FCHSD2: variants seen among roughly 807,000 people sequenced by gnomAD.
FCHSD2 encodes the protein F-BAR and double SH3 domains protein 2.
Under a neutral mutation model 108.1 loss-of-function variants are expected in FCHSD2, and 38 were observed. The ratio of observed to expected loss-of-function variants is 0.35; its 90% CI spans 0.27 to 0.46. FCHSD2 has a LOEUF of 0.46. Ranked by LOEUF, FCHSD2 falls within the 20% of genes least tolerant of loss-of-function variation. The pLI is 1.00. For synonymous variants in FCHSD2, 279 were observed against 314.7 expected (o/e 0.89, Z 1.20); for missense variants, 751 against 897.8 (o/e 0.84, Z 2.09).
In FCHSD2 at chr11:72,855,415, G is replaced by A. The variant is rs544968267; in HGVS notation, c.1309-5526C>T. On this transcript the variant is annotated intron_variant, in intron 13 of 19. Transcript: ENST00000409418. ...CACTTGAACCCGGGAGGCGGAGGTTGCAGTGAGCCAAGATCATGCCACTGT... is the reference window on the plus strand; with the variant it reads ...CACTTGAACCCGGGAGGCGGAGGTTACAGTGAGCCAAGATCATGCCACTGT... Among the ~76,000 whole-genome samples, 193 of 152,300 alleles carry A rather than the reference G, an allele frequency of 1.3e-3. 2 individuals are homozygous for A. The highest frequency in any genetic ancestry group is 1.6e-3 in the Non-Finnish European group (109 of 68,014).
At chr11:73,130,859 G>A (rs890149192) in intron 2 of FCHSD2, among the ~76,000 whole-genome samples, 3 of 151,910 alleles carry the variant, frequency 2.0e-5, no homozygotes, top group African/African-American at 7.3e-5. Flanking sequence ...ATAAAATCAG[G>A]TAATCTTTTT....
chr11:72,970,578 T>C (rs955290496), intron 8 of FCHSD2, among the ~76,000 whole-genome samples: 8 of 152,138 alleles, frequency 5.3e-5, no homozygotes, highest in African/African-American at 1.9e-4. Context: ...CTCTCATGGC[T>C]CTCTCCAAGA....
chr11:73,002,766 G>A (rs1857652385), intron 4 of FCHSD2, among the ~76,000 whole-genome samples: 1 of 151,844 alleles, frequency 6.6e-6, no homozygotes, highest in Admixed American at 6.6e-5. Flanking sequence ...ACTTCCTTTG[G>A]GAAGTCTTTC....
intron 8 of FCHSD2, among the ~76,000 whole-genome samples, chr11:72,966,130 G>A (rs1446578915): frequency 2.0e-5 from 3 of 151,480 alleles, no homozygotes; most frequent in Non-Finnish European, 2.9e-5. Context: ...GGGCAAGAAG[G>A]AAGATGTTCA....
chr11:72,928,248 A>G (rs1374775305), intron 8 of FCHSD2, among the ~76,000 whole-genome samples: 1 of 152,138 alleles, frequency 6.6e-6, no homozygotes, highest in African/African-American at 2.4e-5. Context: ...GGGAAAAAAA[A>G]TTCCACAAAA....
intron 3 of FCHSD2, among the ~76,000 whole-genome samples, chr11:73,053,986 C>T (rs774608466): frequency 6.6e-6 from 1 of 152,128 alleles, no homozygotes; most frequent in Non-Finnish European, 1.5e-5. Flanking sequence ...TGTCCATCTA[C>T]AAATTTTAAG....
At chr11:72,969,970 C>G (rs1408365419) in intron 8 of FCHSD2, among the ~76,000 whole-genome samples, 4 of 152,184 alleles carry the variant, frequency 2.6e-5, no homozygotes, top group African/African-American at 9.7e-5. Context: ...TAATCTGTGA[C>G]TAAGCACCTC....
At chr11:73,139,807 CTTG>C (rs1032366979) in intron 2 of FCHSD2, among the ~76,000 whole-genome samples, 3 of 152,092 alleles carry the variant, frequency 2.0e-5, no homozygotes, top group East Asian at 3.8e-4. Context: ...TTTTAAGGTC[CTTG>C]TTTTTTCTGA....
chr11:73,017,568 T>G (rs1266000620), intron 3 of FCHSD2, among the ~76,000 whole-genome samples: 2 of 152,206 alleles, frequency 1.3e-5, no homozygotes, highest in Non-Finnish European at 2.9e-5. Context: ...ACAATTTGGT[T>G]TCACTATTTC....
At chr11:72,858,696 T>C (rs1312465554) in intron 13 of FCHSD2, among the ~76,000 whole-genome samples, 1 of 152,126 alleles carries the variant, frequency 6.6e-6, no homozygotes, top group Non-Finnish European at 1.5e-5. Context: ...GATGAAATAA[T>C]CTGTACAACC....
chr11:73,023,351 A>G (rs576003551), intron 3 of FCHSD2, among the ~76,000 whole-genome samples: 13 of 152,328 alleles, frequency 8.5e-5, no homozygotes, highest in Admixed American at 6.5e-4. Context: ...TAAGAAAAAA[A>G]TCAACACATT....
intron 4 of FCHSD2, among the ~76,000 whole-genome samples, chr11:73,012,990 C>A (rs1465010163): frequency 1.3e-5 from 2 of 152,266 alleles, no homozygotes; most frequent in East Asian, 1.9e-4. Context: ...GCCATTCTAT[C>A]CTTTCTGAAG....
At chr11:73,007,923 C>T (rs536685531) in intron 4 of FCHSD2, among the ~76,000 whole-genome samples, 15 of 152,226 alleles carry the variant, frequency 9.9e-5, no homozygotes, top group African/African-American at 2.4e-4. Flanking sequence ...TTATTTCTGA[C>T]GACTATGTGT....
chr11:72,867,541 A>G (rs2135203333), intron 13 of FCHSD2, among the ~76,000 whole-genome samples: 1 of 152,344 alleles, frequency 6.6e-6, no homozygotes, highest in Middle Eastern at 3.4e-3. Flanking sequence ...AACTTCAGAG[A>G]CACTAGATTG....
intron 5 of FCHSD2, among the ~76,000 whole-genome samples, chr11:72,991,212 A>G (rs1857405901): frequency 6.6e-6 from 1 of 152,250 alleles, no homozygotes; most frequent in South Asian, 2.1e-4. Flanking sequence ...AAATTGAGGC[A>G]ACAATTAATA....
intron 9 of FCHSD2, among the ~76,000 whole-genome samples, chr11:72,912,082 A>G (rs1315489743): frequency 1.3e-5 from 2 of 152,240 alleles, no homozygotes; most frequent in Admixed American, 6.5e-5. Flanking sequence ...ATAAGCCTAC[A>G]TCATCTGCAA....
At chr11:73,066,907 T>C (rs1405425187) in intron 3 of FCHSD2, among the ~76,000 whole-genome samples, 1 of 152,146 alleles carries the variant, frequency 6.6e-6, no homozygotes, top group Non-Finnish European at 1.5e-5. Context: ...ACTTCAACCA[T>C]TGTGGAAGAC....
intron 9 of FCHSD2, among the ~76,000 whole-genome samples, chr11:72,920,643 G>A (rs531136975): frequency 1.4e-4 from 21 of 152,206 alleles, no homozygotes; most frequent in African/African-American, 4.8e-4. Flanking sequence ...AAGGAACAAA[G>A]ATAAGATTTT....
chr11:72,843,789 A>G, intron 14 of FCHSD2: 1 of 411,830 alleles, frequency 2.4e-6, no homozygotes, highest in Non-Finnish European at 4.3e-6. Flanking sequence ...AGAACATGTA[A>G]GCCTGGGCAA....
Sources: allele counts gnomAD v4.1 joint callset (sites outside exome capture counted in the v4.1 genomes callset), GRCh38; gene constraint gnomAD v4.1.1; transcripts MANE v1.5; gene names NCBI Gene and HGNC (gene_info 2026-07-23, HGNC 2026-07-21).